SV2C: variants seen among roughly 807,000 people sequenced by gnomAD.
SV2C encodes solute carrier family 22 member B3.
A neutral mutation model predicts 79.7 loss-of-function variants in SV2C; 49 were observed. That is an observed-to-expected ratio of 0.61 (90% CI 0.49 to 0.78). The LOEUF is 0.78. Among genes scored for constraint, SV2C ranks in the 30% least tolerant of loss-of-function variants. The probability of loss-of-function intolerance (pLI) is 0.00; values close to 1 mark genes in which losing one functional copy is unlikely to be tolerated. For synonymous variants in SV2C, 334 were observed against 333.2 expected, an observed-to-expected ratio of 1.00 and a Z score of -0.03; for missense variants, 833 against 912.9, an observed-to-expected ratio of 0.91 and a Z score of 1.13.
the SV2C span, among the ~76,000 whole-genome samples, chr5:75,942,975 G>C: frequency 6.6e-6 from 1 of 152,116 alleles, no homozygotes; most frequent in Non-Finnish European, 1.5e-5. Context: ...ACCAGCCTGA[G>C]CAACATAGTC....
chr5:75,939,109 C>T, the SV2C span, among the ~76,000 whole-genome samples: 1 of 152,174 alleles, frequency 6.6e-6, no homozygotes. Flanking sequence ...CCATTATTGC[C>T]AGGGCCAGCA....
At chr5:76,263,354 G>T (rs1175389711) in intron 4 of SV2C, among the ~76,000 whole-genome samples, 2 of 151,982 alleles carry the variant, frequency 1.3e-5, no homozygotes, top group African/African-American at 4.8e-5. Flanking sequence ...GAGCCTATGT[G>T]TGTCTTTGCA....
chr5:76,102,341 C>T (rs1747770239), intron 1 of SV2C, among the ~76,000 whole-genome samples: 1 of 152,162 alleles, frequency 6.6e-6, no homozygotes. Flanking sequence ...AGCTAACTCT[C>T]ACTCATCCTT....
chr5:76,173,320 C>G (rs1207394805), intron 2 of SV2C, among the ~76,000 whole-genome samples: 1 of 151,652 alleles, frequency 6.6e-6, no homozygotes, highest in East Asian at 1.9e-4. Context: ...GTATACAGTA[C>G]ACCATTTTCA....
chr5:76,253,070 G>A (rs1446003190), intron 4 of SV2C, among the ~76,000 whole-genome samples: 5 of 152,150 alleles, frequency 3.3e-5, no homozygotes, highest in African/African-American at 1.2e-4. Flanking sequence ...TAAAGAGCTT[G>A]TGGTCACAGG....
chr5:76,167,160 T>C (rs1481291204), intron 2 of SV2C, among the ~76,000 whole-genome samples: 1 of 152,236 alleles, frequency 6.6e-6, no homozygotes, highest in African/African-American at 2.4e-5. Flanking sequence ...ACAGTAACAC[T>C]GACCTAGCAG....
intron 2 of SV2C, among the ~76,000 whole-genome samples, chr5:76,193,050 C>T (rs1026180548): frequency 1.5e-4 from 23 of 152,260 alleles, no homozygotes; most frequent in Non-Finnish European, 4.4e-5. Context: ...GGGTGCACAC[C>T]ACATGGTTGG....
intron 3 of SV2C, among the ~76,000 whole-genome samples, chr5:76,196,491 T>G (rs1403010740): frequency 6.6e-6 from 1 of 152,168 alleles, no homozygotes; most frequent in Non-Finnish European, 1.5e-5. Flanking sequence ...AAGATGGATT[T>G]TGGATTATGG....
the SV2C span, among the ~76,000 whole-genome samples, chr5:75,917,330 C>T: frequency 6.6e-6 from 1 of 152,208 alleles, no homozygotes; most frequent in Non-Finnish European, 1.5e-5. Flanking sequence ...TTTACCTTCT[C>T]TGCCTGTATA....
intron 2 of SV2C, among the ~76,000 whole-genome samples, chr5:76,136,181 T>G (rs1749063378): frequency 6.6e-6 from 1 of 152,252 alleles, no homozygotes; most frequent in African/African-American, 2.4e-5. Flanking sequence ...CCTGAGCTAA[T>G]TAATAGTGAA....
chr5:76,276,230 C>T (rs553947005), intron 4 of SV2C, among the ~76,000 whole-genome samples: 1 of 152,188 alleles, frequency 6.6e-6, no homozygotes, highest in Non-Finnish European at 1.5e-5. Context: ...CACCTTCGTT[C>T]TTATATCTAT....
At chr5:75,933,442 A>G in the SV2C span, among the ~76,000 whole-genome samples, 5 of 152,200 alleles carry the variant, frequency 3.3e-5, no homozygotes, top group Non-Finnish European at 7.3e-5. Flanking sequence ...TTGATATTCA[A>G]TAAATACTGA....
chr5:76,102,433 A>G (rs896899296), intron 1 of SV2C, among the ~76,000 whole-genome samples: 10 of 152,074 alleles, frequency 6.6e-5, no homozygotes, highest in African/African-American at 2.4e-4. Context: ...TCCAATGTGC[A>G]CCCTCCCAGT....
intron 4 of SV2C, among the ~76,000 whole-genome samples, chr5:76,260,223 T>C (rs1440864121): frequency 6.6e-6 from 1 of 152,250 alleles, no homozygotes; most frequent in Non-Finnish European, 1.5e-5. Context: ...CTATGTTTGT[T>C]GGCTGCATAA....
rs769577370 is a variant in SV2C at position 76,106,428 on chromosome 5, T to C, written c.-102+22916T>C. The stretch of plus-strand genomic sequence containing the variant: ...CAATCTCTTAAAAGAAGTCAGATCA[T>C]GTCCCTTCTCTGTGCAAATCCCTGC... On this transcript the variant is annotated intron_variant, in intron 1 of 12. Transcript: ENST00000502798. Among the ~76,000 whole-genome samples the C allele has an allele frequency of 1.6e-4, 24 of 152,316 alleles. 1 individual carries two copies. The highest frequency in any genetic ancestry group is 3.3e-4 in the Admixed American group (5 of 15,302).
chr5:76,313,683 T>G (rs1264010373), intron 12 of SV2C, among the ~76,000 whole-genome samples: 1 of 152,080 alleles, frequency 6.6e-6, no homozygotes, highest in Non-Finnish European at 1.5e-5. Flanking sequence ...GCCCCTTTAA[T>G]TGTGGGGTGC....
intron 4 of SV2C, among the ~76,000 whole-genome samples, chr5:76,272,249 T>G (rs909096382): frequency 2.6e-5 from 4 of 152,166 alleles, no homozygotes; most frequent in Non-Finnish European, 5.9e-5. Flanking sequence ...CTCTGTAATC[T>G]CTCCCCCTTG....
At chr5:76,211,463 CGTGTGTGTGT>C (rs10593541) in intron 4 of SV2C, among the ~76,000 whole-genome samples, 1,921 of 149,504 alleles carry the variant, frequency 0.013, 35 homozygotes, top group African/African-American at 0.04. Context: ...GTTCTGGTTG[CGTGTGTGTGT>C]GTGTGTGTGT....
chr5:76,219,918 T>A (rs1304203641), intron 4 of SV2C, among the ~76,000 whole-genome samples: 1 of 152,242 alleles, frequency 6.6e-6, no homozygotes, highest in Non-Finnish European at 1.5e-5. Flanking sequence ...GAGCTTTCTG[T>A]GTCCCAGGCA....
Sources: allele counts gnomAD v4.1 joint callset (sites outside exome capture counted in the v4.1 genomes callset), GRCh38; gene constraint gnomAD v4.1.1; transcripts MANE v1.5; gene names NCBI Gene and HGNC (gene_info 2026-07-23, HGNC 2026-07-21).